The following CACNA2D1 variants were observed in gnomAD, a reference collection of about 807,000 sequenced individuals.
The protein encoded by CACNA2D1 is voltage-dependent calcium channel subunit alpha-2/delta-1.
A neutral mutation model predicts 171.5 loss-of-function variants in CACNA2D1; 53 were observed. The ratio of observed to expected loss-of-function variants is 0.31; its 90% CI spans 0.25 to 0.39. The LOEUF (loss-of-function observed/expected upper bound fraction) is 0.39. Ranked by LOEUF, CACNA2D1 falls within the 10% of genes least tolerant of loss-of-function variation. The pLI is 1.00. For missense variants in CACNA2D1, 903 were observed against 1,299.8 expected (o/e 0.69, Z 4.69); for synonymous variants, 442 against 443.1 (o/e 1.00, Z 0.03).
intron 11 of CACNA2D1, among the ~76,000 whole-genome samples, chr7:82,034,375 C>T (rs1803052986): frequency 1.3e-5 from 2 of 151,980 alleles, no homozygotes; most frequent in South Asian, 2.1e-4. Context: ...TTAATAAATA[C>T]AACGTTTTTC....
intron 3 of CACNA2D1, among the ~76,000 whole-genome samples, chr7:82,321,297 G>T (rs1415469607): frequency 6.6e-5 from 10 of 152,104 alleles, no homozygotes; most frequent in African/African-American, 2.4e-4. Context: ...TACTCGGGAG[G>T]CTAAGGCAGA....
chr7:82,107,148 G>A (rs939133196), intron 6 of CACNA2D1, among the ~76,000 whole-genome samples: 2 of 152,038 alleles, frequency 1.3e-5, no homozygotes, highest in African/African-American at 4.8e-5. Flanking sequence ...ACTTAGTAGT[G>A]TCTACTAAGG....
intron 5 of CACNA2D1, 81 bp downstream of exon 5, chr7:82,136,554 G>T: frequency 9.6e-7 from 1 of 1,040,322 alleles, no homozygotes; most frequent in East Asian, 2.6e-5. Context: ...AACTAAAACT[G>T]CTAGCTCAAT....
At chr7:82,132,205 T>G (rs2129071359) in intron 5 of CACNA2D1, among the ~76,000 whole-genome samples, 1 of 152,240 alleles carries the variant, frequency 6.6e-6, no homozygotes, top group Non-Finnish European at 1.5e-5. Context: ...AAAAATTATC[T>G]CCCCCAAAGG....
intron 4 of CACNA2D1, among the ~76,000 whole-genome samples, chr7:82,140,577 A>T (rs2129086435): frequency 6.6e-6 from 1 of 152,314 alleles, no homozygotes; most frequent in East Asian, 1.9e-4. Flanking sequence ...ACCTTAAAAT[A>T]AATGCCAAAT....
At chr7:82,191,429 G>A (rs1052388700) in intron 3 of CACNA2D1, among the ~76,000 whole-genome samples, 15 of 151,640 alleles carry the variant, frequency 9.9e-5, no homozygotes, top group African/African-American at 3.4e-4. Flanking sequence ...TGAATTTATC[G>A]AGCTGCTTTT....
chr7:82,023,245 A>C (rs1007968144), intron 12 of CACNA2D1, among the ~76,000 whole-genome samples: 1 of 151,872 alleles, frequency 6.6e-6, no homozygotes, highest in African/African-American at 2.4e-5. Context: ...TTATAAAGCA[A>C]ATGTATTTTA....
At chr7:82,209,527 G>A (rs938332607) in intron 3 of CACNA2D1, among the ~76,000 whole-genome samples, 1 of 152,100 alleles carries the variant, frequency 6.6e-6, no homozygotes, top group African/African-American at 2.4e-5. Flanking sequence ...TATACCAACG[G>A]TGTCAATCAA....
intron 1 of CACNA2D1, among the ~76,000 whole-genome samples, chr7:82,426,663 GA>G (rs1320940793): frequency 6.6e-6 from 1 of 152,042 alleles, no homozygotes; most frequent in Non-Finnish European, 1.5e-5. Flanking sequence ...AAGATTACTA[GA>G]ACTAATATTG....
At position 81,947,019 on chromosome 7, in the gene CACNA2D1, TAAAA is replaced by T. The variant is rs1159492131; in HGVS notation, c.*3369_*3372del. On this transcript the variant is annotated 3_prime_UTR_variant, in exon 39 of 39. Coordinates refer to ENST00000356860, the MANE Select transcript of CACNA2D1 (RefSeq NM_000722.4). Reference sequence around the variant, plus strand: ...GAAATAGTTATTTCATTCTATTCTTTAAAAAAAGTAACAACATCCATTTTGTTTC... The same window carrying T: ...GAAATAGTTATTTCATTCTATTCTTTAAAGTAACAACATCCATTTTGTTTC... The T allele has an allele frequency of 6.6e-6, 1 of 152,154 alleles. No homozygotes were observed. Among genetic ancestry groups the T allele is most frequent in the East Asian group, 1.9e-4 (1 of 5,178 alleles). The allele number at this position is 152,154 out of a possible 1,614,324, so 9.4% of individuals were successfully genotyped here.
At chr7:82,208,473 A>G (rs934658280) in intron 3 of CACNA2D1, among the ~76,000 whole-genome samples, 2 of 152,202 alleles carry the variant, frequency 1.3e-5, no homozygotes, top group African/African-American at 4.8e-5. Context: ...ATATAAAATT[A>G]TAATTAGATT....
chr7:82,138,478 G>A (rs1383976127), intron 4 of CACNA2D1, among the ~76,000 whole-genome samples: 7 of 132,942 alleles, frequency 5.3e-5, no homozygotes, highest in African/African-American at 1.7e-4. Context: ...ACAGAGTGTC[G>A]CTGTGTCGCC....
At chr7:82,068,478 A>G (rs922358441) in intron 7 of CACNA2D1, among the ~76,000 whole-genome samples, 1 of 152,106 alleles carries the variant, frequency 6.6e-6, no homozygotes, top group African/African-American at 2.4e-5. Flanking sequence ...GGCAGTTGTT[A>G]TTACACATTA....
chr7:82,114,815 A>C (rs549833585), intron 6 of CACNA2D1, among the ~76,000 whole-genome samples: 2 of 151,760 alleles, frequency 1.3e-5, no homozygotes, highest in African/African-American at 2.4e-5. Context: ...GAAAGCAGCT[A>C]GTGTTCTGGC....
chr7:82,055,950 T>TATATATATATATAA lies in CACNA2D1; in HGVS notation c.879+4477_879+4478insTTATATATATATAT, dbSNP rs1327973456. 6.0e-4 allele frequency among the ~76,000 whole-genome samples: 57 copies of TATATATATATATAA among 94,954 alleles called. No individual in the cohort carries two copies. The East Asian group carries it at 8.4e-3, about 14-fold the overall frequency. The allele number at this position is 94,954 out of a possible 152,430, so 62.3% of individuals were successfully genotyped here. On this transcript the variant is annotated intron_variant, in intron 10 of 38. Coordinates refer to ENST00000356860, the MANE Select transcript of CACNA2D1 (RefSeq NM_000722.4). ...TGTGTGTATATATATATATATATAA[T>TATATATATATATAA]TTTTTAAAAAAAGGAAAGAATCCCA...
At chr7:82,100,941 G>A (rs1474721945) in intron 6 of CACNA2D1, among the ~76,000 whole-genome samples, 1 of 151,288 alleles carries the variant, frequency 6.6e-6, no homozygotes. Flanking sequence ...ATAATTTTGT[G>A]GATAAACTCT....
intron 23 of CACNA2D1, 197 bp from the exon 24 acceptor site, chr7:81,982,824 TAACTTCATAACATGGATC>T: frequency 1.5e-6 from 1 of 646,868 alleles, no homozygotes; most frequent in Non-Finnish European, 2.8e-6. Context: ...TAACATGGAT[TAACTTCATAACATGGATC>T]CCCACAGTTA....
In CACNA2D1 at chr7:82,201,811, C is replaced by T. The variant is rs534268411; in HGVS notation, c.295-31202G>A. Among the ~76,000 whole-genome samples, 227 of 152,306 alleles carry T rather than the reference C, an allele frequency of 1.5e-3. 3 individuals carry two copies. The highest frequency in any genetic ancestry group is 5.2e-3 in the African/African-American group (218 of 41,566). On this transcript the variant is annotated intron_variant, in intron 3 of 38. Transcript: ENST00000356860. Reference sequence around the variant, plus strand: ...GTAGTGCAGTTCATGCTAACCATTCCTCATGGGATCAGGCTGAAAGGAGTG... The same window carrying T: ...GTAGTGCAGTTCATGCTAACCATTCTTCATGGGATCAGGCTGAAAGGAGTG...
At chr7:82,192,794 TAACTA>T (rs1004089139) in intron 3 of CACNA2D1, among the ~76,000 whole-genome samples, 4 of 147,154 alleles carry the variant, frequency 2.7e-5, no homozygotes, top group African/African-American at 7.7e-5. Flanking sequence ...TCTGTAACTC[TAACTA>T]AACACACACA....
Sources: allele counts gnomAD v4.1 joint callset (sites outside exome capture counted in the v4.1 genomes callset), GRCh38; gene constraint gnomAD v4.1.1; transcripts MANE v1.5; gene names NCBI Gene and HGNC (gene_info 2026-07-23, HGNC 2026-07-21).